Variants in URB1 observed in about 807,000 individuals in gnomAD.
URB1 encodes the protein nucleolar pre-ribosomal-associated protein 1.
URB1 carries 197 observed loss-of-function variants against 242.3 expected under a neutral mutation model. The ratio of observed to expected loss-of-function variants is 0.81; its 90% CI spans 0.72 to 0.91. URB1 has a LOEUF of 0.91. Ranked by LOEUF, URB1 falls within the 40% of genes least tolerant of loss-of-function variation. The pLI is 0.00. For missense variants in URB1, 2,721 were observed against 2,860.5 expected (o/e 0.95, Z 1.11); for synonymous variants, 1,153 against 1,201.8 (o/e 0.96, Z 0.84).
Position 32,383,309 on chromosome 21 carries a change from C to G in URB1, c.567+113G>C. On this transcript the variant is annotated intron_variant, in intron 4 of 38. Coordinates refer to ENST00000382751, the MANE Select transcript of URB1 (RefSeq NM_014825.3). ...GCTGACACACACCTTTCTACATAGA[C>G]ACCTCTCATTTCATCTGTGTGGGGA... 5 of 1,307,428 alleles carry G rather than the reference C, an allele frequency of 3.8e-6. No homozygotes were observed. The East Asian group carries it at 1.3e-4, about 35-fold the overall frequency. 81.0% of individuals were successfully genotyped at this position (1,307,428 alleles called of 1,614,324 possible).
chr21:32,372,618 T>G lies in URB1; in HGVS notation c.890A>C (p.Glu297Ala), dbSNP rs2033418385. Residue 297 changes from glutamate to alanine, a missense_variant, in exon 8 of 39, where the codon GAA (glutamate) becomes GCA (alanine). Physicochemically the swap from Glu to Ala is moderately radical, Grantham distance 107. Transcript: ENST00000382751. ...NPENVKVSAEEAGKTMVRELV... is the reference protein window; with the variant it reads ...NPENVKVSAEAAGKTMVRELV... ...CTCCCGCACCATGGTTTTCCCTGCT[T>G]CTTCGGCAGAAACCTATGAAGATTT... The G allele has an allele frequency of 3.2e-6, 5 of 1,550,168 alleles. No individual in the cohort carries two copies. Among genetic ancestry groups the G allele is most frequent in the Middle Eastern group, 1.7e-4 (1 of 6,012 alleles).
Position 32,366,683 on chromosome 21 carries a change from C to T in URB1, c.1270G>A (p.Ala424Thr). 1 of 1,551,368 alleles carries T rather than the reference C, an allele frequency of 6.4e-7. No individual in the cohort carries two copies. The highest frequency in any genetic ancestry group is 8.7e-7 in the Non-Finnish European group (1 of 1,146,798). Residue 424 changes from alanine to threonine, a missense_variant, in exon 10 of 39, where the codon GCA becomes ACA. Ala to Thr is a moderately conservative substitution (Grantham distance 58, BLOSUM62 0). Transcript: ENST00000382751. ...GGCACGGTGGTCACCATCACCATTG[C>T]CAGGAGCCGAGGCAAGGGTATAAAC... ...REFIPLPRLL[A>T]MVMVTTVPLV...
At chr21:32,352,669 C>A (rs1451278492) in intron 19 of URB1, 41 bp downstream of exon 19, 7 of 1,548,138 alleles carry the variant, frequency 4.5e-6, no homozygotes, top group Non-Finnish European at 6.1e-6. Flanking sequence ...TGGGAAGAAC[C>A]CTGCACAGCA....
chr21:32,364,600 G>C (rs1055496253), intron 10 of URB1, among the ~76,000 whole-genome samples: 1 of 152,140 alleles, frequency 6.6e-6, no homozygotes, highest in Non-Finnish European at 1.5e-5. Context: ...CCCCACAATC[G>C]CTTCAAAGGC....
intron 6 of URB1, among the ~76,000 whole-genome samples, chr21:32,374,742 A>T (rs986061778): frequency 1.3e-5 from 2 of 152,224 alleles, no homozygotes; most frequent in African/African-American, 2.4e-5. Flanking sequence ...CTGTCTCCCC[A>T]CTAGGCACCA....
chr21:32,314,271 A>G lies in URB1; in HGVS notation c.*647T>C, dbSNP rs955225560. On this transcript the variant is annotated 3_prime_UTR_variant, in exon 39 of 39. Coordinates refer to ENST00000382751, the MANE Select transcript of URB1 (RefSeq NM_014825.3). Reference sequence around the variant, plus strand: ...ACGATCTCAGCTCACTGTAGCCTCCACCTCCCAGGTTCAAGCGATTCCCCT... The same window carrying G: ...ACGATCTCAGCTCACTGTAGCCTCCGCCTCCCAGGTTCAAGCGATTCCCCT... 2.7e-5 allele frequency: 10 copies of G among 376,458 alleles called. No homozygotes were observed. Among genetic ancestry groups the G allele is most frequent in the Non-Finnish European group, 4.6e-5 (9 of 195,916 alleles). The allele number at this position is 376,458 out of a possible 1,614,324, so 23.3% of individuals were successfully genotyped here.
chr21:32,350,971 G>A (rs1486388661), intron 19 of URB1, 49 bp from the exon 20 acceptor site: 6 of 1,513,400 alleles, frequency 4.0e-6, no homozygotes, highest in Non-Finnish European at 4.4e-6. Context: ...CATCACCACA[G>A]ATGAAAACGG....
chr21:32,316,668 G>A lies in URB1; in HGVS notation c.6432C>T (p.Ala2144=), dbSNP rs559741205. 23 of 1,551,414 alleles carry A rather than the reference G, an allele frequency of 1.5e-5. No individual in the cohort carries two copies. Among genetic ancestry groups the A allele is most frequent in the Admixed American group, 1.2e-4 (6 of 50,980 alleles). The change falls in exon 38 of 39, where the codon GCC becomes GCT. Residue 2144 remains alanine, a synonymous_variant. Transcript: ENST00000382751. ...VVVADLLKDS[A]VRSSIFRLYS... ...ACAGCCTGAATATGCTGCTCCTCAC[G>A]GCACTGTCCTTAAGGAGGTCAGCCA...
At chr21:32,381,522 G>A (rs543482421) in intron 4 of URB1, among the ~76,000 whole-genome samples, 40 of 149,102 alleles carry the variant, frequency 2.7e-4, no homozygotes, top group African/African-American at 8.1e-4. Context: ...ACTCAAAGAC[G>A]CAAAAGGGAT....
rs1486223836 is a variant in URB1, at chr21:32,317,666, T to A, written c.6034+10A>T. On this transcript the variant is annotated intron_variant, in intron 37 of 38. Coordinates refer to ENST00000382751, the MANE Select transcript of URB1 (RefSeq NM_014825.3). ...GCTACTCTGGGCCAGTCCTGGGTTCTGACACTCACTCATGAGCTCCCGGGC... is the reference window on the plus strand; with the variant it reads ...GCTACTCTGGGCCAGTCCTGGGTTCAGACACTCACTCATGAGCTCCCGGGC... The A allele has an allele frequency of 6.4e-7, 1 of 1,551,490 alleles. No homozygotes were observed. The highest frequency in any genetic ancestry group is 1.4e-5 in the African/African-American group (1 of 73,160).
At chr21:32,357,177 G>A (rs2033230227) in intron 15 of URB1, among the ~76,000 whole-genome samples, 1 of 152,142 alleles carries the variant, frequency 6.6e-6, no homozygotes, top group African/African-American at 2.4e-5. Context: ...ATGTGCTGTG[G>A]GTGATGGATT....
Position 32,316,760 on chromosome 21 carries a change from T to G in URB1, c.6340A>C (p.Ser2114Arg). 6.4e-7 allele frequency: 1 copy of G among 1,550,834 alleles called. No homozygotes were observed. Among genetic ancestry groups the G allele is most frequent in the Middle Eastern group, 1.7e-4 (1 of 5,988 alleles). Residue 2114 changes from serine to arginine, a missense_variant, in exon 38 of 39, where the codon AGC (serine) becomes CGC (arginine). Ser to Arg is a moderately radical substitution (Grantham distance 110). Transcript: ENST00000382751. ...VLRSVAEHPL[S>R]RAEAAGLIGW... ...ATGAGTCCTGCAGCCTCTGCCCTGCTGAGCGGGTGCTCGGCCACCGACCGC... is the reference window on the plus strand; with the variant it reads ...ATGAGTCCTGCAGCCTCTGCCCTGCGGAGCGGGTGCTCGGCCACCGACCGC...
chr21:32,315,047 A>G lies in URB1; in HGVS notation c.6687T>C (p.Ala2229=), dbSNP rs1218298787. Reference sequence around the variant, plus strand: ...GGGTTAAGAGGGTGTCCGGCCGCTGAGCCCCCAGCCAGATGTCCTTTATGT... The same window carrying G: ...GGGTTAAGAGGGTGTCCGGCCGCTGGGCCCCCAGCCAGATGTCCTTTATGT... ...SLYIKDIWLG[A]QRPDTLLTHV... The change falls in exon 39 of 39, where the codon GCT becomes GCC. Residue 2229 remains alanine (A), a synonymous_variant. Coordinates refer to ENST00000382751, the MANE Select transcript of URB1 (RefSeq NM_014825.3). The G allele has an allele frequency of 6.5e-7, 1 of 1,549,968 alleles. No homozygotes were observed. Among genetic ancestry groups the G allele is most frequent in the Non-Finnish European group, 8.7e-7 (1 of 1,145,984 alleles).
In URB1 at chr21:32,392,819, G is replaced by C; in HGVS notation, c.92C>G (p.Thr31Arg). The C allele has an allele frequency of 6.5e-7, 1 of 1,531,976 alleles. No individual in the cohort carries two copies. The highest frequency in any genetic ancestry group is 8.7e-7 in the Non-Finnish European group (1 of 1,144,540). 94.9% of individuals were successfully genotyped at this position (1,531,976 alleles called of 1,614,324 possible). ...CAGCTGAGCCTTGAACCGCACGCCC[G>C]TGAGCTCTTCTTTGCGGGCGCGCTT... ...AAKRARKEELTGVRFKAQLKD... is the reference protein window; with the variant it reads ...AAKRARKEELRGVRFKAQLKD... The change falls in exon 1 of 39, where the codon ACG becomes AGG. Residue 31 changes from threonine (T) to arginine (R), a missense_variant. By Grantham distance (71) the Thr-to-Arg change is moderately conservative. Coordinates refer to ENST00000382751, the MANE Select transcript of URB1 (RefSeq NM_014825.3).
chr21:32,345,250 G>T, intron 23 of URB1, 124 bp downstream of exon 23: 1 of 1,066,282 alleles, frequency 9.4e-7, no homozygotes, highest in Non-Finnish European at 1.4e-6. Context: ...GTTCTCATAG[G>T]AACTGCCTGA....
Position 32,311,283 on chromosome 21 carries a change from A to T in URB1, c.*3635T>A. 5.1e-6 allele frequency: 1 copy of T among 195,232 alleles called. No homozygotes were observed. The allele number at this position is 195,232 out of a possible 1,614,324, so 12.1% of individuals were successfully genotyped here. ...GACACGTGGGGATTATTACAATTCA[A>T]GGTGAGATTTGTGTCGTGACGCAGC... On this transcript the variant is annotated 3_prime_UTR_variant, in exon 39 of 39. Transcript: ENST00000382751.
Position 32,317,671 on chromosome 21 carries a change from C to A in URB1, c.6034+5G>T. The A allele has an allele frequency of 6.4e-7, 1 of 1,551,548 alleles. No homozygotes were observed. Among genetic ancestry groups the A allele is most frequent in the Non-Finnish European group, 8.7e-7 (1 of 1,146,872 alleles). On this transcript the variant is annotated splice_donor_5th_base_variant and intron_variant, in intron 37 of 38. Transcript: ENST00000382751. ...TCTGGGCCAGTCCTGGGTTCTGACA[C>A]TCACTCATGAGCTCCCGGGCTTGGG...
At position 32,347,302 on chromosome 21, in the gene URB1, G is replaced by A; in HGVS notation, c.3522C>T (p.Leu1174=). The A allele has an allele frequency of 6.4e-7, 1 of 1,551,186 alleles. No individual in the cohort carries two copies. The highest frequency in any genetic ancestry group is 8.7e-7 in the Non-Finnish European group (1 of 1,146,994). ...CTCTCACATACTCGGAGGACCACAG[G>A]AGCTCACCACTCTGCAGCTGATCCT... is the stretch of plus-strand genomic sequence containing the variant. ...SPQDQLQSGE[L]LWSSEYVRGL... The change falls in exon 22 of 39, where the codon CTC becomes CTT. Residue 1174 remains leucine (L), a synonymous_variant. Transcript: ENST00000382751.
chr21:32,333,216 C>G, intron 30 of URB1, 101 bp downstream of exon 30: 1 of 937,736 alleles, frequency 1.1e-6, no homozygotes, highest in East Asian at 2.6e-5. Context: ...TTCCAAGATT[C>G]AGGTCCTCAT....
Sources: allele counts gnomAD v4.1 joint callset (sites outside exome capture counted in the v4.1 genomes callset), GRCh38; gene constraint gnomAD v4.1.1; transcripts MANE v1.5; gene names NCBI Gene and HGNC (gene_info 2026-07-23, HGNC 2026-07-21).